Variants in GFRAL observed in about 807,000 individuals in gnomAD.
The protein encoded by GFRAL is GDNF family receptor alpha like, also known as GDNF family receptor alpha-like.
A neutral mutation model predicts 45.4 loss-of-function variants in GFRAL; 36 were observed. The ratio of observed to expected loss-of-function variants is 0.79; its 90% CI spans 0.61 to 1.05. The LOEUF is 1.05. GFRAL is among the 50% of genes least tolerant of loss of function. GFRAL has a pLI of 0.00. For missense variants in GFRAL, 507 were observed against 467.5 expected (o/e 1.08, Z -0.78); for synonymous variants, 166 against 154.1 (o/e 1.08, Z -0.57).
intron 6 of GFRAL, among the ~76,000 whole-genome samples, chr6:55,374,104 A>G (rs1265841101): frequency 6.6e-6 from 1 of 152,184 alleles, no homozygotes; most frequent in Non-Finnish European, 1.5e-5. Context: ...GCTGCATAGT[A>G]TCCCATGGTA....
At chr6:55,330,514 C>G (rs1312300588) in intron 1 of GFRAL, among the ~76,000 whole-genome samples, 1 of 151,898 alleles carries the variant, frequency 6.6e-6, no homozygotes, top group Non-Finnish European at 1.5e-5. Context: ...AGTAAAGTTT[C>G]CAGAAAATAG....
intron 6 of GFRAL, among the ~76,000 whole-genome samples, chr6:55,394,542 G>T (rs1444419199): frequency 6.6e-6 from 1 of 152,130 alleles, no homozygotes; most frequent in East Asian, 1.9e-4. Context: ...ATGGGTTGAG[G>T]ATCAGAGACA....
chr6:55,386,122 G>C (rs1768678943), intron 6 of GFRAL, among the ~76,000 whole-genome samples: 3 of 151,952 alleles, frequency 2.0e-5, no homozygotes, highest in African/African-American at 7.2e-5. Context: ...CTTGAAAAAA[G>C]TACTTATTCT....
chr6:55,334,632 C>A lies in GFRAL; in HGVS notation c.316+688C>A, dbSNP rs575192260. Among the ~76,000 whole-genome samples the A allele has an allele frequency of 1.1e-3, 168 of 152,304 alleles. 2 individuals are homozygous for A. The highest frequency in any genetic ancestry group is 3.9e-3 in the African/African-American group (161 of 41,570). On this transcript the variant is annotated intron_variant, in intron 3 of 8. Transcript: ENST00000340465. ...TGCTCAATTCTTCTTTCACAATCAACCTTCTCTCACTTTACAAGAGGTAGA... is the reference window on the plus strand; with the variant it reads ...TGCTCAATTCTTCTTTCACAATCAAACTTCTCTCACTTTACAAGAGGTAGA...
chr6:55,362,579 A>G (rs1235965823), intron 6 of GFRAL, among the ~76,000 whole-genome samples: 1 of 152,040 alleles, frequency 6.6e-6, no homozygotes, highest in Non-Finnish European at 1.5e-5. Flanking sequence ...TAGAGCTAAT[A>G]GGGAAATGAG....
chr6:55,373,118 A>G (rs1267445276), intron 6 of GFRAL, among the ~76,000 whole-genome samples: 1 of 151,910 alleles, frequency 6.6e-6, no homozygotes, highest in African/African-American at 2.4e-5. Flanking sequence ...ATTCAAAATC[A>G]GGAAAAATGG....
chr6:55,353,477 A>C (rs955182526), intron 5 of GFRAL, among the ~76,000 whole-genome samples: 2 of 152,022 alleles, frequency 1.3e-5, no homozygotes, highest in Non-Finnish European at 2.9e-5. Flanking sequence ...TATTTCGTCA[A>C]CTTATAGGAT....
intron 6 of GFRAL, 45 bp downstream of exon 6, chr6:55,359,183 T>TATCTATCTATCTATCTATCTATC: frequency 6.6e-7 from 1 of 1,510,184 alleles, no homozygotes. Context: ...TCTATCTATC[T>TATCTATCTATCTATCTATCTATC]ATCATCTATC....
At chr6:55,400,190 T>C (rs1356051917) in intron 8 of GFRAL, among the ~76,000 whole-genome samples, 3 of 152,192 alleles carry the variant, frequency 2.0e-5, no homozygotes, top group African/African-American at 7.2e-5. Flanking sequence ...TCATGTTCAT[T>C]TGCTTATTCT....
intron 1 of GFRAL, among the ~76,000 whole-genome samples, chr6:55,327,922 G>A (rs1388597524): frequency 6.6e-6 from 1 of 151,782 alleles, no homozygotes; most frequent in African/African-American, 2.4e-5. Context: ...AAACCTTCCA[G>A]TATCTATTTA....
intron 1 of GFRAL, among the ~76,000 whole-genome samples, chr6:55,330,121 C>T (rs78227231): frequency 0.014 from 2,189 of 152,138 alleles, 47 homozygotes; most frequent in African/African-American, 0.051. Flanking sequence ...ATTAACATTG[C>T]TATTTTCTTG....
rs1375472220 is a variant in GFRAL, at chr6:55,327,513, A to T, written c.-42A>T. 6 of 1,611,086 alleles carry T rather than the reference A, an allele frequency of 3.7e-6. No homozygotes were observed. In the East Asian group the frequency reaches 1.3e-4, roughly 36 times the overall value. ...TTAAGAAAGTTGTCAGAAGAAACGC[A>T]TCTGCCTTTTTTTCCAGGTGAACTG... On this transcript the variant is annotated 5_prime_UTR_variant, in exon 1 of 9. Coordinates refer to ENST00000340465, the MANE Select transcript of GFRAL (RefSeq NM_207410.2).
intron 6 of GFRAL, among the ~76,000 whole-genome samples, chr6:55,391,551 G>A (rs1768754069): frequency 6.6e-6 from 1 of 152,062 alleles, no homozygotes; most frequent in South Asian, 2.1e-4. Context: ...GGGAGTTTGA[G>A]GCCAGCCTGG....
intron 6 of GFRAL, among the ~76,000 whole-genome samples, chr6:55,377,034 A>C (rs1768544455): frequency 6.6e-6 from 1 of 151,930 alleles, no homozygotes; most frequent in Non-Finnish European, 1.5e-5. Context: ...TCTTTTGTAA[A>C]ACCCTGCTCA....
chr6:55,363,078 A>G (rs1026086454), intron 6 of GFRAL, among the ~76,000 whole-genome samples: 2 of 151,776 alleles, frequency 1.3e-5, no homozygotes, highest in Non-Finnish European at 2.9e-5. Flanking sequence ...GATTAAGAAA[A>G]AGCAGAAAAC....
intron 3 of GFRAL, among the ~76,000 whole-genome samples, chr6:55,343,325 G>A (rs924600751): frequency 7.9e-5 from 12 of 152,132 alleles, no homozygotes; most frequent in Non-Finnish European, 1.5e-4. Context: ...ATAACAAACT[G>A]TCTCTCAGAC....
At chr6:55,338,371 T>C (rs1020753727) in intron 3 of GFRAL, among the ~76,000 whole-genome samples, 10 of 152,194 alleles carry the variant, frequency 6.6e-5, no homozygotes, top group African/African-American at 2.4e-4. Context: ...ATAACAGGCA[T>C]GAGCCACCAT....
intron 3 of GFRAL, among the ~76,000 whole-genome samples, chr6:55,343,713 C>G (rs182596692): frequency 0.013 from 1,989 of 152,130 alleles, 23 homozygotes; most frequent in Non-Finnish European, 0.022. Context: ...CACAAAAAAC[C>G]CTTCAAAAAA....
At chr6:55,343,058 A>G (rs1329326184) in intron 3 of GFRAL, among the ~76,000 whole-genome samples, 1 of 152,122 alleles carries the variant, frequency 6.6e-6, no homozygotes, top group Admixed American at 6.5e-5. Context: ...AGAGACTTAG[A>G]CTCCCACTCA....
Sources: gnomAD v4.1 joint callset for allele counts (sites outside exome capture counted in the v4.1 genomes callset) on GRCh38, gnomAD v4.1.1 for gene constraint, MANE v1.5 for transcripts, NCBI Gene and HGNC (gene_info 2026-07-23, HGNC 2026-07-21) for gene names.